TMPRSS6: variants seen among roughly 807,000 people sequenced by gnomAD.
The protein encoded by TMPRSS6 is transmembrane protease serine 6.
Under a neutral mutation model 101.5 loss-of-function variants are expected in TMPRSS6, and 67 were observed. That is an observed-to-expected ratio of 0.66 (90% CI 0.54 to 0.81). The LOEUF is 0.81. Among genes scored for constraint, TMPRSS6 ranks in the 30% least tolerant of loss-of-function variants. TMPRSS6 has a pLI of 0.00. For synonymous variants in TMPRSS6, 453 were observed against 464.9 expected (o/e 0.97, Z 0.33); for missense variants, 1,034 against 1,088.7 (o/e 0.95, Z 0.71).
intron 15 of TMPRSS6, among the ~76,000 whole-genome samples, chr22:37,070,145 G>T (rs1406384040): frequency 6.6e-6 from 1 of 152,172 alleles, no homozygotes; most frequent in African/African-American, 2.4e-5. Flanking sequence ...TGACCAGGTT[G>T]GGCAGTTCTG....
chr22:37,096,134 G>T, intron 4 of TMPRSS6, 44 bp from the exon 5 acceptor site: 1 of 1,608,218 alleles, frequency 6.2e-7, no homozygotes, highest in Non-Finnish European at 8.5e-7. Context: ...GGATTCTGAG[G>T]TCTGGCCCCA....
chr22:37,088,893 A>G (rs1440886706), intron 7 of TMPRSS6, among the ~76,000 whole-genome samples: 1 of 152,248 alleles, frequency 6.6e-6, no homozygotes, highest in African/African-American at 2.4e-5. Context: ...CAAGGTAAGC[A>G]GGTTCTAAGA....
rs1367025049 is a variant in TMPRSS6 at position 37,066,740 on chromosome 22, G to T, written c.2250+86C>A. ...CTGGGAGGATGGGAGGCTTCAGCAG[G>T]CTGATGTGAGCAAAGGGCCAGACCC... On this transcript the variant is annotated intron_variant, in intron 17 of 17. Coordinates refer to ENST00000676104, the MANE Select transcript of TMPRSS6 (RefSeq NM_001374504.1). 2.5e-6 allele frequency: 4 copies of T among 1,578,052 alleles called. No homozygotes were observed. The African/African-American group carries it at 5.4e-5, about 21-fold the overall frequency.
At position 37,091,183 on chromosome 22, in the gene TMPRSS6, C is replaced by T. The variant is rs554298455; in HGVS notation, c.632-1401G>A. Among the ~76,000 whole-genome samples the T allele has an allele frequency of 8.7e-4, 132 of 152,304 alleles. 4 individuals carry two copies. The South Asian group carries it at 0.022, about 26-fold the overall frequency. Reference sequence around the variant, plus strand: ...GTCTGCCAGTGAACATGTTCTCTCCCGTGGAGCATCCAGTATCTCATTTAA... The same window carrying T: ...GTCTGCCAGTGAACATGTTCTCTCCTGTGGAGCATCCAGTATCTCATTTAA... On this transcript the variant is annotated intron_variant, in intron 6 of 17. Coordinates refer to ENST00000676104, the MANE Select transcript of TMPRSS6 (RefSeq NM_001374504.1).
chr22:37,086,273 G>T lies in TMPRSS6; in HGVS notation c.973+10C>A. 2 of 1,613,860 alleles carry T rather than the reference G, an allele frequency of 1.2e-6. No homozygotes were observed. The highest frequency in any genetic ancestry group is 1.7e-6 in the Non-Finnish European group (2 of 1,179,918). ...CCCCTCCCCTGCCCCAGGGACCCCT[G>T]ACCTCTCACCCTGGAAGACCACCGG... On this transcript the variant is annotated intron_variant, in intron 8 of 17. Transcript: ENST00000676104.
At chr22:37,100,863 C>G (rs991242672) in intron 2 of TMPRSS6, among the ~76,000 whole-genome samples, 7 of 152,172 alleles carry the variant, frequency 4.6e-5, no homozygotes, top group Admixed American at 4.6e-4. Flanking sequence ...GAAAAAGCAA[C>G]CTGCTGAGCG....
intron 10 of TMPRSS6, among the ~76,000 whole-genome samples, chr22:37,076,361 G>A (rs1290741506): frequency 1.3e-5 from 2 of 152,132 alleles, no homozygotes; most frequent in African/African-American, 4.8e-5. Context: ...TCTGTGCATG[G>A]CCACACGGGG....
At chr22:37,073,421 C>A in intron 13 of TMPRSS6, 111 bp downstream of exon 13, 1 of 691,500 alleles carries the variant, frequency 1.4e-6, no homozygotes, top group Non-Finnish European at 2.7e-6. Flanking sequence ...GATGTAAATA[C>A]AGAGGGGTTG....
intron 10 of TMPRSS6, among the ~76,000 whole-genome samples, chr22:37,078,957 G>GAAAGAAAGAAAA (rs1230714972): frequency 9.7e-6 from 1 of 103,040 alleles, no homozygotes; most frequent in African/African-American, 3.5e-5. Flanking sequence ...AGGAGAAAAA[G>GAAAGAAAGAAAA]AGAAAGAAAG....
At chr22:37,083,546 GT>G (rs1326341124) in intron 10 of TMPRSS6, among the ~76,000 whole-genome samples, 1 of 152,212 alleles carries the variant, frequency 6.6e-6, no homozygotes, top group African/African-American at 2.4e-5. Context: ...CCCTGTCTCT[GT>G]TTCCCTGCCT....
intron 10 of TMPRSS6, among the ~76,000 whole-genome samples, chr22:37,078,922 A>G (rs1927957247): frequency 7.8e-6 from 1 of 128,388 alleles, no homozygotes; most frequent in African/African-American, 4.0e-5. Context: ...AAGAAAGAGA[A>G]AGAAGAGGAA....
rs965193550 is a variant in TMPRSS6, at chr22:37,071,384, C to T, written c.1556-352G>A. Among the ~76,000 whole-genome samples, 3 of 152,322 alleles carry T rather than the reference C, an allele frequency of 2.0e-5. No homozygotes were observed. The East Asian group carries it at 5.8e-4, about 29-fold the overall frequency. Reference sequence around the variant, plus strand: ...GCCTGGCAATCTCCCAGGCTCTGGCCCTGCCCGGTTGTCCACATTTTCCTC... The same window carrying T: ...GCCTGGCAATCTCCCAGGCTCTGGCTCTGCCCGGTTGTCCACATTTTCCTC... On this transcript the variant is annotated intron_variant, in intron 13 of 17. Coordinates refer to ENST00000676104, the MANE Select transcript of TMPRSS6 (RefSeq NM_001374504.1).
chr22:37,065,883 C>A lies in TMPRSS6; in HGVS notation c.*197G>T. ...CTGGGTCCTCAGGGGACGTCTTGAC[C>A]CCCAGCTGCTGGCACTTCTCCATCC... On this transcript the variant is annotated 3_prime_UTR_variant, in exon 18 of 18. Coordinates refer to ENST00000676104, the MANE Select transcript of TMPRSS6 (RefSeq NM_001374504.1). 1.4e-6 allele frequency: 1 copy of A among 692,132 alleles called. No individual in the cohort carries two copies. The highest frequency in any genetic ancestry group is 1.9e-5 in the South Asian group (1 of 53,882). The allele number at this position is 692,132 out of a possible 1,614,324, so 42.9% of individuals were successfully genotyped here.
At chr22:37,092,180 C>T (rs1324810100) in intron 6 of TMPRSS6, among the ~76,000 whole-genome samples, 3 of 151,510 alleles carry the variant, frequency 2.0e-5, no homozygotes, top group Non-Finnish European at 4.4e-5. Flanking sequence ...TGGCACCTCT[C>T]GGGGCTGGGA....
At chr22:37,096,438 T>C (rs371338831) in intron 4 of TMPRSS6, among the ~76,000 whole-genome samples, 76 of 152,272 alleles carry the variant, frequency 5.0e-4, no homozygotes, top group African/African-American at 1.7e-3. Context: ...TCACAGTCAT[T>C]GTCTGGTGCA....
At position 37,086,562 on chromosome 22, in the gene TMPRSS6, T is replaced by G. The variant is rs1414244884; in HGVS notation, c.837-143A>C. The G allele has an allele frequency of 7.0e-6, 6 of 853,976 alleles. No individual in the cohort carries two copies. The East Asian group carries it at 1.3e-4, about 19-fold the overall frequency. The allele number at this position is 853,976 out of a possible 1,614,324, so 52.9% of individuals were successfully genotyped here. ...CCGGGTCTCCTACCAGAGACCACTGTGTGTCTGTGGGGAGAATTCTGTGTC... is the reference window on the plus strand; with the variant it reads ...CCGGGTCTCCTACCAGAGACCACTGGGTGTCTGTGGGGAGAATTCTGTGTC... On this transcript the variant is annotated intron_variant, in intron 7 of 17. Coordinates refer to ENST00000676104, the MANE Select transcript of TMPRSS6 (RefSeq NM_001374504.1).
In TMPRSS6 at chr22:37,074,595, G is replaced by C. The variant is rs111807510; in HGVS notation, c.1441+15C>G. On this transcript the variant is annotated intron_variant, in intron 12 of 17. Coordinates refer to ENST00000676104, the MANE Select transcript of TMPRSS6 (RefSeq NM_001374504.1). ...ATGGGCAGGGAGAGGAGGGATGCGCGGGCGGGTTACTCACCGCAGTTTCTC... is the reference window on the plus strand; with the variant it reads ...ATGGGCAGGGAGAGGAGGGATGCGCCGGCGGGTTACTCACCGCAGTTTCTC... 29 of 1,608,418 alleles carry C rather than the reference G, an allele frequency of 1.8e-5. No homozygotes were observed. In the African/African-American group the frequency reaches 3.3e-4, roughly 19 times the overall value.
intron 10 of TMPRSS6, among the ~76,000 whole-genome samples, chr22:37,075,638 C>G (rs1927566060): frequency 6.6e-6 from 1 of 152,202 alleles, no homozygotes. Context: ...CGCAGTGGCT[C>G]ACACCTATAA....
chr22:37,103,196 A>T lies in TMPRSS6; in HGVS notation c.202+20T>A. ...CAAGTCCTCCCCAGGTGCCTCTCCCAGGCGGTCCCACAACGTTACCTAGGA... is the reference window on the plus strand; with the variant it reads ...CAAGTCCTCCCCAGGTGCCTCTCCCTGGCGGTCCCACAACGTTACCTAGGA... On this transcript the variant is annotated intron_variant, in intron 2 of 17. Transcript: ENST00000676104. The surrounding 1 kb of genome is among the most constrained non-coding windows in gnomAD (Gnocchi z 4.4). The T allele has an allele frequency of 6.2e-7, 1 of 1,613,356 alleles. No homozygotes were observed. The highest frequency in any genetic ancestry group is 8.5e-7 in the Non-Finnish European group (1 of 1,179,722).
Sources: allele counts gnomAD v4.1 joint callset (sites outside exome capture counted in the v4.1 genomes callset), GRCh38; gene constraint gnomAD v4.1.1; non-coding constraint Gnocchi (gnomAD v3.1); transcripts MANE v1.5; gene names NCBI Gene and HGNC (gene_info 2026-07-23, HGNC 2026-07-21).